KCNH7: variants seen among roughly 807,000 people sequenced by gnomAD.
KCNH7 encodes potassium voltage-gated channel subfamily H member 7.
A neutral mutation model predicts 120.8 loss-of-function variants in KCNH7; 49 were observed. The observed-to-expected ratio is 0.41, with a 90% CI of 0.32 to 0.51. The LOEUF is 0.51. Among genes scored for constraint, KCNH7 ranks in the 20% least tolerant of loss-of-function variants. The pLI, the probability that KCNH7 is intolerant of heterozygous loss-of-function variation, is 0.38. For synonymous variants in KCNH7, 547 were observed against 516.1 expected (o/e 1.06, Z -0.81); for missense variants, 1,097 against 1,446.6 (o/e 0.76, Z 3.92).
At chr2:162,380,428 C>A (rs933598954) in intron 13 of KCNH7, among the ~76,000 whole-genome samples, 4 of 152,006 alleles carry the variant, frequency 2.6e-5, no homozygotes, top group African/African-American at 9.7e-5. Context: ...GGCTCTTTCC[C>A]ACAGGATAAC....
intron 2 of KCNH7, among the ~76,000 whole-genome samples, chr2:162,586,664 CTT>C (rs71410017): frequency 2.1e-4 from 28 of 133,730 alleles, no homozygotes; most frequent in Admixed American, 2.3e-4. Context: ...GGTTTCTTTC[CTT>C]TTTTTTTTTT....
chr2:162,702,885 C>G (rs959597470), intron 2 of KCNH7, among the ~76,000 whole-genome samples: 2 of 152,028 alleles, frequency 1.3e-5, no homozygotes, highest in African/African-American at 4.8e-5. Context: ...TATTTTCTTT[C>G]TTCCTAATTA....
At chr2:162,660,549 C>CA (rs1254769724) in intron 2 of KCNH7, among the ~76,000 whole-genome samples, 3 of 152,002 alleles carry the variant, frequency 2.0e-5, no homozygotes, top group Non-Finnish European at 4.4e-5. Flanking sequence ...TGGTGAATGT[C>CA]CCATGTGAAC....
intron 2 of KCNH7, among the ~76,000 whole-genome samples, chr2:162,540,568 G>A (rs1324764806): frequency 2.6e-5 from 4 of 152,088 alleles, no homozygotes; most frequent in Admixed American, 6.6e-5. Flanking sequence ...TGTGTTCACA[G>A]GGCATCTTAT....
intron 2 of KCNH7, among the ~76,000 whole-genome samples, chr2:162,742,587 A>T (rs12052374): frequency 0.021 from 3,248 of 152,310 alleles, 71 homozygotes; most frequent in East Asian, 0.11. Flanking sequence ...TTATTCAGAG[A>T]AAACATAATA....
In KCNH7 at chr2:162,371,814, A is replaced by T; in HGVS notation, c.*15T>A. On this transcript the variant is annotated 3_prime_UTR_variant, in exon 16 of 16. Coordinates refer to ENST00000332142, the MANE Select transcript of KCNH7 (RefSeq NM_033272.4). ...AAGCACTTACATTGTATGTGGAGTAAATAGTACAAAATGATTATTTCCCTG... is the reference window on the plus strand; with the variant it reads ...AAGCACTTACATTGTATGTGGAGTATATAGTACAAAATGATTATTTCCCTG... 6.2e-7 allele frequency: 1 copy of T among 1,602,658 alleles called. No individual in the cohort carries two copies. The highest frequency in any genetic ancestry group is 8.5e-7 in the Non-Finnish European group (1 of 1,171,020).
At chr2:162,836,462 C>T in intron 2 of KCNH7, 75 bp downstream of exon 2, 1 of 1,159,478 alleles carries the variant, frequency 8.6e-7, no homozygotes, top group South Asian at 1.4e-5. Context: ...GGCTTCTTTG[C>T]ATATGAACTT....
chr2:162,765,471 T>C (rs1156615132), intron 2 of KCNH7, among the ~76,000 whole-genome samples: 1 of 152,188 alleles, frequency 6.6e-6, no homozygotes, highest in Non-Finnish European at 1.5e-5. Context: ...GCTTCTAATA[T>C]AGGTAGGTCC....
At chr2:162,399,685 T>C (rs548534536) in intron 10 of KCNH7, among the ~76,000 whole-genome samples, 1 of 152,050 alleles carries the variant, frequency 6.6e-6, no homozygotes, top group Admixed American at 6.6e-5. Flanking sequence ...TATAGGTCTA[T>C]ATTAATTACC....
At chr2:162,486,706 A>G (rs1346651004) in intron 6 of KCNH7, among the ~76,000 whole-genome samples, 2 of 152,192 alleles carry the variant, frequency 1.3e-5, no homozygotes, top group Non-Finnish European at 2.9e-5. Flanking sequence ...TTGCACATAT[A>G]GCCCACAGTT....
chr2:162,470,864 A>G (rs1415786787), intron 6 of KCNH7, among the ~76,000 whole-genome samples: 1 of 152,232 alleles, frequency 6.6e-6, no homozygotes, highest in East Asian at 1.9e-4. Flanking sequence ...TGTAGAAAGA[A>G]GTAGACATGG....
At chr2:162,438,805 TAA>T (rs1688335538) in intron 7 of KCNH7, among the ~76,000 whole-genome samples, 1 of 152,188 alleles carries the variant, frequency 6.6e-6, no homozygotes, top group Non-Finnish European at 1.5e-5. Context: ...CTTAGGATTG[TAA>T]TAACTCTTTC....
intron 3 of KCNH7, among the ~76,000 whole-genome samples, chr2:162,528,901 G>T (rs1329840194): frequency 6.6e-6 from 1 of 151,902 alleles, no homozygotes; most frequent in East Asian, 1.9e-4. Flanking sequence ...GCTAGCCTTT[G>T]GTTGGGAGAA....
intron 2 of KCNH7, among the ~76,000 whole-genome samples, chr2:162,766,707 A>G (rs1329863559): frequency 6.6e-6 from 1 of 152,136 alleles, no homozygotes; most frequent in Admixed American, 6.6e-5. Flanking sequence ...GGATTTTCAT[A>G]TGGGCAATAT....
intron 2 of KCNH7, among the ~76,000 whole-genome samples, chr2:162,749,323 G>GA (rs1688461060): frequency 6.6e-6 from 1 of 151,786 alleles, no homozygotes; most frequent in Non-Finnish European, 1.5e-5. Flanking sequence ...ATACAAAGCA[G>GA]AAAATAGATA....
At position 162,555,689 on chromosome 2, in the gene KCNH7, C is replaced by T. The variant is rs561784869; in HGVS notation, c.308-18609G>A. Among the ~76,000 whole-genome samples, 87 of 152,076 alleles carry T rather than the reference C, an allele frequency of 5.7e-4. No individual in the cohort carries two copies. The South Asian group carries it at 7.1e-3, about 12-fold the overall frequency. ...GAGCTGATAATATGGGATTCTTAGACCCTAGGTTTTTCTGGTTCTCATGGT... is the reference window on the plus strand; with the variant it reads ...GAGCTGATAATATGGGATTCTTAGATCCTAGGTTTTTCTGGTTCTCATGGT... On this transcript the variant is annotated intron_variant, in intron 2 of 15. Coordinates refer to ENST00000332142, the MANE Select transcript of KCNH7 (RefSeq NM_033272.4).
chr2:162,551,354 T>C (rs1692661599), intron 2 of KCNH7, among the ~76,000 whole-genome samples: 1 of 152,102 alleles, frequency 6.6e-6, no homozygotes, highest in Non-Finnish European at 1.5e-5. Flanking sequence ...ACTATATTCA[T>C]GAATGAAAAA....
intron 2 of KCNH7, among the ~76,000 whole-genome samples, chr2:162,667,854 T>C (rs1016031815): frequency 3.3e-5 from 5 of 152,214 alleles, no homozygotes; most frequent in African/African-American, 4.8e-5. Flanking sequence ...CTAAGTTCAT[T>C]GAAGGCATGA....
At chr2:162,497,936 A>G (rs1196924155) in intron 6 of KCNH7, among the ~76,000 whole-genome samples, 1 of 152,184 alleles carries the variant, frequency 6.6e-6, no homozygotes, top group Admixed American at 6.6e-5. Flanking sequence ...TTATGGCTCT[A>G]AAGTCTACAT....
Sources: gnomAD v4.1 joint callset for allele counts (sites outside exome capture counted in the v4.1 genomes callset) on GRCh38, gnomAD v4.1.1 for gene constraint, MANE v1.5 for transcripts, NCBI Gene and HGNC (gene_info 2026-07-23, HGNC 2026-07-21) for gene names.